Variants in CDKAL1 observed in about 807,000 individuals in gnomAD.
CDKAL1 encodes the protein threonylcarbamoyladenosine tRNA methylthiotransferase.
A neutral mutation model predicts 68.2 loss-of-function variants in CDKAL1; 32 were observed. The ratio of observed to expected loss-of-function variants is 0.47; its 90% CI spans 0.35 to 0.63. The LOEUF is 0.63. Among genes scored for constraint, CDKAL1 ranks in the 30% least tolerant of loss-of-function variants. The probability of loss-of-function intolerance (pLI) is 0.00; values close to 1 mark genes in which losing one functional copy is unlikely to be tolerated. For missense variants in CDKAL1, 606 were observed against 696.7 expected (o/e 0.87, Z 1.47); for synonymous variants, 234 against 244.3 (o/e 0.96, Z 0.39).
At chr6:21,214,317 A>G (rs1414419289) in intron 15 of CDKAL1, among the ~76,000 whole-genome samples, 1 of 151,820 alleles carries the variant, frequency 6.6e-6, no homozygotes, top group Non-Finnish European at 1.5e-5. Flanking sequence ...GTTATTTTAT[A>G]TATATATATA....
At chr6:21,022,362 G>C (rs964270058) in intron 11 of CDKAL1, among the ~76,000 whole-genome samples, 1 of 152,122 alleles carries the variant, frequency 6.6e-6, no homozygotes. Context: ...GCAGTGCAGG[G>C]GGTAAATTAT....
intron 11 of CDKAL1, among the ~76,000 whole-genome samples, chr6:21,060,336 G>T (rs555479558): frequency 6.6e-6 from 1 of 152,224 alleles, no homozygotes; most frequent in East Asian, 1.9e-4. Flanking sequence ...ACTGGCATAA[G>T]GTTCATAGTA....
chr6:21,184,993 T>C (rs375421991), intron 13 of CDKAL1, among the ~76,000 whole-genome samples: 20 of 152,152 alleles, frequency 1.3e-4, no homozygotes, highest in African/African-American at 4.8e-4. Context: ...CAAGGTCTCT[T>C]AGTTCCTACA....
At chr6:21,071,077 G>A (rs1449184806) in intron 12 of CDKAL1, among the ~76,000 whole-genome samples, 2 of 152,074 alleles carry the variant, frequency 1.3e-5, no homozygotes, top group Non-Finnish European at 2.9e-5. Context: ...TTTAATTCTA[G>A]AATTATAGTT....
intron 4 of CDKAL1, among the ~76,000 whole-genome samples, chr6:20,644,062 A>G (rs1379741884): frequency 6.6e-6 from 1 of 150,550 alleles, no homozygotes; most frequent in Admixed American, 6.6e-5. Context: ...TGAACTCCTG[A>G]CCTCAAGTAA....
At chr6:20,824,221 T>C (rs1488826932) in intron 8 of CDKAL1, among the ~76,000 whole-genome samples, 4 of 152,174 alleles carry the variant, frequency 2.6e-5, no homozygotes, top group Non-Finnish European at 4.4e-5. Context: ...GAGAGGACCA[T>C]GTTCTTTTGA....
chr6:20,661,986 T>C (rs35456723), intron 5 of CDKAL1, among the ~76,000 whole-genome samples: 49,787 of 152,012 alleles, frequency 0.33, 8,307 homozygotes, highest in East Asian at 0.39. Context: ...AAAATCAACA[T>C]GATCTAAGTC....
chr6:20,636,727 G>C (rs1021585151), intron 4 of CDKAL1, among the ~76,000 whole-genome samples: 1 of 152,130 alleles, frequency 6.6e-6, no homozygotes, highest in African/African-American at 2.4e-5. Context: ...GGAGAGTGAT[G>C]CTGTTGATAA....
Position 20,609,379 on chromosome 6 carries a change from T to TCTCCTTCTC in CDKAL1, c.287-39912_287-39911insCCTTCTCCT, listed in dbSNP as rs1462264231. ...CCTCCCTTCTTCTCCTTCTCCTTCT[T>TCTCCTTCTC]CTTCTTCTTCTTCTTCTTCTTCTTT... On this transcript the variant is annotated intron_variant, in intron 4 of 15. Coordinates refer to ENST00000274695, the MANE Select transcript of CDKAL1 (RefSeq NM_017774.3). 4.5e-3 allele frequency among the ~76,000 whole-genome samples: 466 copies of TCTCCTTCTC among 103,356 alleles called. 1 individual carries two copies. Among genetic ancestry groups the TCTCCTTCTC allele is most frequent in the Non-Finnish European group, 7.3e-3 (362 of 49,440 alleles). The allele number at this position is 103,356 out of a possible 152,430, so 67.8% of individuals were successfully genotyped here.
intron 6 of CDKAL1, among the ~76,000 whole-genome samples, chr6:20,747,283 A>G (rs1254779572): frequency 1.3e-5 from 2 of 152,228 alleles, no homozygotes; most frequent in Non-Finnish European, 2.9e-5. Flanking sequence ...GTTATTGTGT[A>G]TAATGCTGCA....
chr6:21,094,840 A>C (rs1026415238), intron 12 of CDKAL1, among the ~76,000 whole-genome samples: 1 of 152,372 alleles, frequency 6.6e-6, no homozygotes, highest in South Asian at 2.1e-4. Context: ...ATAAAGCACT[A>C]TCTGTGTCAA....
chr6:21,035,966 A>G lies in CDKAL1; in HGVS notation c.1056-29082A>G, dbSNP rs1489568981. Among the ~76,000 whole-genome samples, 4 of 152,148 alleles carry G rather than the reference A, an allele frequency of 2.6e-5. No individual in the cohort carries two copies. The East Asian group carries it at 7.7e-4, about 29-fold the overall frequency. ...GACGGTTAGATGGAAGCGCCACTCA[A>G]TTGCACAGTTAAATGGATTTTTAAA... On this transcript the variant is annotated intron_variant, in intron 11 of 15. Transcript: ENST00000274695.
intron 8 of CDKAL1, among the ~76,000 whole-genome samples, chr6:20,833,608 A>T (rs1777809660): frequency 6.6e-6 from 1 of 152,156 alleles, no homozygotes; most frequent in Admixed American, 6.5e-5. Flanking sequence ...GAACAGGATG[A>T]TGCAATGAAA....
chr6:20,943,648 T>C (rs924782276), intron 9 of CDKAL1, among the ~76,000 whole-genome samples: 6 of 149,254 alleles, frequency 4.0e-5, no homozygotes, highest in African/African-American at 1.5e-4. Flanking sequence ...TTCAAATATC[T>C]TCTTTTGTTT....
At chr6:21,191,831 T>G (rs570874541) in intron 13 of CDKAL1, among the ~76,000 whole-genome samples, 5 of 151,166 alleles carry the variant, frequency 3.3e-5, no homozygotes, top group Non-Finnish European at 7.4e-5. Flanking sequence ...TGTAGCACAC[T>G]CATTCTTTCA....
intron 10 of CDKAL1, among the ~76,000 whole-genome samples, chr6:20,990,311 G>A (rs1766726216): frequency 6.6e-6 from 1 of 152,166 alleles, no homozygotes; most frequent in African/African-American, 2.4e-5. Flanking sequence ...GTTTGTGTGT[G>A]TAATTATAAC....
At chr6:20,649,544 CT>C (rs1273616696) in intron 5 of CDKAL1, among the ~76,000 whole-genome samples, 167 bp downstream of exon 5, 3 of 152,070 alleles carry the variant, frequency 2.0e-5, no homozygotes, top group East Asian at 1.9e-4. Flanking sequence ...CAGAATGATG[CT>C]TTTTTTATTT....
At chr6:20,735,422 A>G (rs1034881638) in intron 5 of CDKAL1, among the ~76,000 whole-genome samples, 9 of 152,040 alleles carry the variant, frequency 5.9e-5, no homozygotes, top group Admixed American at 3.9e-4. Flanking sequence ...AGCTGAGCAA[A>G]TGGGAAAGCC....
intron 11 of CDKAL1, among the ~76,000 whole-genome samples, chr6:21,059,728 C>A (rs1771036786): frequency 6.6e-6 from 1 of 152,002 alleles, no homozygotes. Flanking sequence ...ATGGCAGCTG[C>A]TTCTAATTGG....
Sources: allele counts gnomAD v4.1 joint callset (sites outside exome capture counted in the v4.1 genomes callset), GRCh38; gene constraint gnomAD v4.1.1; transcripts MANE v1.5; gene names NCBI Gene and HGNC (gene_info 2026-07-23, HGNC 2026-07-21).